The following LAPTM4B variants were observed in gnomAD, a reference collection of about 807,000 sequenced individuals.
LAPTM4B encodes lysosomal protein transmembrane 4 beta, also known as lysosomal-associated transmembrane protein 4B.
LAPTM4B carries 26 observed loss-of-function variants against 28.5 expected under a neutral mutation model. The observed-to-expected ratio is 0.91, with a 90% CI of 0.67 to 1.27. LAPTM4B has a LOEUF of 1.27. Ranked by LOEUF, LAPTM4B falls within the 50% of genes most tolerant of loss-of-function variation. The probability of loss-of-function intolerance (pLI) is 0.00; values close to 1 mark genes in which losing one functional copy is unlikely to be tolerated. For missense variants in LAPTM4B, 288 were observed against 285.8 expected (o/e 1.01, Z -0.06); for synonymous variants, 109 against 106.4 (o/e 1.02, Z -0.15).
chr8:97,801,294 G>A (rs1483175320), intron 1 of LAPTM4B, among the ~76,000 whole-genome samples: 1 of 151,066 alleles, frequency 6.6e-6, no homozygotes, highest in Admixed American at 6.6e-5. Context: ...CGATTCTCCT[G>A]CCTTGGCCTC....
chr8:97,836,658 A>G (rs1173185841), intron 6 of LAPTM4B, among the ~76,000 whole-genome samples: 2 of 152,038 alleles, frequency 1.3e-5, no homozygotes, highest in Non-Finnish European at 2.9e-5. Flanking sequence ...CCAAAATGGT[A>G]TATAAGAATT....
chr8:97,794,846 TG>T (rs1402597339), intron 1 of LAPTM4B, among the ~76,000 whole-genome samples: 4 of 152,218 alleles, frequency 2.6e-5, no homozygotes, highest in Non-Finnish European at 5.9e-5. Flanking sequence ...CCTGAGTAGC[TG>T]GGATTACAGG....
At chr8:97,791,531 T>G (rs1188167919) in intron 1 of LAPTM4B, among the ~76,000 whole-genome samples, 1 of 152,184 alleles carries the variant, frequency 6.6e-6, no homozygotes, top group Non-Finnish European at 1.5e-5. Flanking sequence ...AAATTGGGAT[T>G]GCTTCTGCTG....
chr8:97,827,899 T>G (rs1217377725), intron 6 of LAPTM4B, among the ~76,000 whole-genome samples: 1 of 152,078 alleles, frequency 6.6e-6, no homozygotes, highest in Non-Finnish European at 1.5e-5. Flanking sequence ...CAGGGCACAA[T>G]GTCACAAGGT....
intron 6 of LAPTM4B, among the ~76,000 whole-genome samples, chr8:97,832,586 C>T (rs1004799937): frequency 6.6e-6 from 1 of 152,128 alleles, no homozygotes; most frequent in Non-Finnish European, 1.5e-5. Flanking sequence ...TTTCTCTTAA[C>T]ATAGTTGTAT....
At chr8:97,833,645 C>A (rs972135754) in intron 6 of LAPTM4B, among the ~76,000 whole-genome samples, 3 of 152,090 alleles carry the variant, frequency 2.0e-5, no homozygotes, top group Non-Finnish European at 4.4e-5. Context: ...GCATTACCAG[C>A]GAATTATTTG....
At position 97,805,425 on chromosome 8, in the gene LAPTM4B, T is replaced by A; in HGVS notation, c.172T>A (p.Ser58Thr). 5 of 1,613,148 alleles carry A rather than the reference T, an allele frequency of 3.1e-6. No individual in the cohort carries two copies. The highest frequency in any genetic ancestry group is 3.4e-6 in the Non-Finnish European group (4 of 1,179,416). ...ADPDQYNFSSSELGGDFEFMD... is the reference protein window; with the variant it reads ...ADPDQYNFSSTELGGDFEFMD... ...TCCGGATCAGTATAACTTTTCAAGT[T>A]CTGAACTGGGAGGTGACTTTGAGTT... Residue 58 changes from serine (S) to threonine (T), a missense_variant, in exon 2 of 7, where the codon TCT becomes ACT. Ser to Thr is a moderately conservative substitution (Grantham distance 58). Transcript: ENST00000521545.
chr8:97,850,728 G>A (rs1475587801), intron 6 of LAPTM4B, among the ~76,000 whole-genome samples: 1 of 147,148 alleles, frequency 6.8e-6, no homozygotes. Flanking sequence ...ACTCCTAAAG[G>A]GCAGGGACTG....
chr8:97,779,546 C>T (rs928031489), intron 1 of LAPTM4B, among the ~76,000 whole-genome samples: 1 of 151,014 alleles, frequency 6.6e-6, no homozygotes, highest in Admixed American at 6.6e-5. Context: ...GCACTTTGGG[C>T]GGCCGAGGTA....
At chr8:97,803,488 G>A (rs4734372) in intron 1 of LAPTM4B, among the ~76,000 whole-genome samples, 67,367 of 151,686 alleles carry the variant, frequency 0.44, 15,432 homozygotes, top group East Asian at 0.57. Context: ...TGGCCAGGCT[G>A]GTCTCGAACT....
intron 5 of LAPTM4B, among the ~76,000 whole-genome samples, chr8:97,824,582 A>T (rs975323397): frequency 6.6e-6 from 1 of 152,242 alleles, no homozygotes; most frequent in African/African-American, 2.4e-5. Flanking sequence ...TGTGAGATAA[A>T]TTTATATGCT....
At position 97,805,370 on chromosome 8, in the gene LAPTM4B, A is replaced by G; in HGVS notation, c.117A>G (p.Val39=). 6.7e-7 allele frequency: 1 copy of G among 1,496,618 alleles called. No homozygotes were observed. The highest frequency in any genetic ancestry group is 9.2e-7 in the Non-Finnish European group (1 of 1,087,246). The allele number at this position is 1,496,618 out of a possible 1,614,324, so 92.7% of individuals were successfully genotyped here. The change falls in exon 2 of 7, where the codon GTA becomes GTG. Residue 39 remains valine (V), a synonymous_variant. Transcript: ENST00000521545. ...TGTTGCAGATCATCAATGCTGTGGTACTGTTGATTTTATTGAGTGCCCTGG... is the reference window on the plus strand; with the variant it reads ...TGTTGCAGATCATCAATGCTGTGGTGCTGTTGATTTTATTGAGTGCCCTGG... The part of the protein sequence containing the change: ...GVWYLIINAV[V]LLILLSALAD...
intron 6 of LAPTM4B, among the ~76,000 whole-genome samples, chr8:97,838,919 C>T (rs1721514912): frequency 1.3e-5 from 2 of 152,128 alleles, no homozygotes; most frequent in Non-Finnish European, 2.9e-5. Context: ...AGGGCAGCTG[C>T]TTATCTATAT....
At chr8:97,829,696 CTTTT>C (rs926939613) in intron 6 of LAPTM4B, among the ~76,000 whole-genome samples, 1 of 147,284 alleles carries the variant, frequency 6.8e-6, no homozygotes, top group Non-Finnish European at 1.5e-5. Context: ...TTTCTTTCTT[CTTTT>C]TTTTTTTTGA....
intron 2 of LAPTM4B, among the ~76,000 whole-genome samples, chr8:97,807,081 T>C (rs1816766359): frequency 6.6e-6 from 1 of 152,132 alleles, no homozygotes; most frequent in South Asian, 2.1e-4. Flanking sequence ...CAGTCTCGGG[T>C]ATGTCTTTAT....
intron 4 of LAPTM4B, among the ~76,000 whole-genome samples, chr8:97,818,293 T>G (rs548544125): frequency 6.6e-6 from 1 of 152,286 alleles, no homozygotes; most frequent in East Asian, 1.9e-4. Flanking sequence ...TCCTCAACAT[T>G]GGAAACAACT....
At chr8:97,843,289 T>C (rs1339026355) in intron 6 of LAPTM4B, among the ~76,000 whole-genome samples, 1 of 152,008 alleles carries the variant, frequency 6.6e-6, no homozygotes, top group East Asian at 1.9e-4. Context: ...TAGCTGGCTA[T>C]GGTGGTGTGT....
At chr8:97,850,465 G>GGTGTGTGT (rs761478917) in intron 6 of LAPTM4B, among the ~76,000 whole-genome samples, 2 of 37,848 alleles carry the variant, frequency 5.3e-5, no homozygotes, top group Non-Finnish European at 1.1e-4. Context: ...GGAGAGGAGG[G>GGTGTGTGT]GTGTGTGTGT....
At chr8:97,839,382 G>A (rs1429920513) in intron 6 of LAPTM4B, among the ~76,000 whole-genome samples, 9 of 151,996 alleles carry the variant, frequency 5.9e-5, no homozygotes, top group Admixed American at 2.0e-4. Context: ...TAGTAGAGAC[G>A]GGGTTTCACC....
Sources: allele counts gnomAD v4.1 joint callset (sites outside exome capture counted in the v4.1 genomes callset), GRCh38; gene constraint gnomAD v4.1.1; transcripts MANE v1.5; gene names NCBI Gene and HGNC (gene_info 2026-07-23, HGNC 2026-07-21).